ENOSF1: variants seen among roughly 807,000 people sequenced by gnomAD.
ENOSF1 encodes the protein mitochondrial enolase superfamily member 1.
In ENOSF1, 73 loss-of-function variants were observed where a neutral mutation model predicts 68.2. That is an observed-to-expected ratio of 1.07 (90% CI 0.89 to 1.30). ENOSF1 has a LOEUF of 1.30. Ranked by LOEUF, ENOSF1 falls within the 50% of genes most tolerant of loss-of-function variation. The pLI is 0.00. For missense variants in ENOSF1, 589 were observed against 554.5 expected (o/e 1.06, Z -0.62); for synonymous variants, 223 against 210.4 (o/e 1.06, Z -0.52).
In ENOSF1 at chr18:677,741, A is replaced by G; in HGVS notation, c.1048+2T>C. On this transcript the variant is annotated splice_donor_variant, in intron 13 of 15. Coordinates refer to ENST00000647584, the MANE Select transcript of ENOSF1 (RefSeq NM_017512.7). LOFTEE classifies it high-confidence loss of function. The stretch of plus-strand genomic sequence containing the variant: ...GGTCTGCAGCCGCTGCAGCACGCTT[A>G]CTTTCAAACTTTTTGGCCATCAGCA... 1 of 1,612,068 alleles carries G rather than the reference A, an allele frequency of 6.2e-7. No individual in the cohort carries two copies. Among genetic ancestry groups the G allele is most frequent in the Non-Finnish European group, 8.5e-7 (1 of 1,179,426 alleles).
rs541081297 is a variant in ENOSF1, at chr18:710,634, C to T, written c.84+1870G>A. On this transcript the variant is annotated intron_variant, in intron 1 of 15. Transcript: ENST00000647584. ...TCAAGTGATCCCCCTGCCTAGGCCTCCACTTAGGATTAGAGGTGTGAGCCC... is the reference window on the plus strand; with the variant it reads ...TCAAGTGATCCCCCTGCCTAGGCCTTCACTTAGGATTAGAGGTGTGAGCCC... 1.8e-4 allele frequency among the ~76,000 whole-genome samples: 27 copies of T among 152,342 alleles called. No homozygotes were observed. The South Asian group carries it at 5.6e-3, about 32-fold the overall frequency.
At chr18:691,986 G>C (rs561074069) in intron 5 of ENOSF1, 43 of 152,492 alleles carry the variant, frequency 2.8e-4, no homozygotes, top group African/African-American at 9.6e-4. Flanking sequence ...CTGGAGCAGT[G>C]AACTGCAGAG....
At chr18:667,992 A>ATTTTTTTTTTTT (rs60409589), downstream of ENOSF1, among the ~76,000 whole-genome samples, 292 of 105,320 alleles carry the variant, frequency 2.8e-3, 29 homozygotes, top group East Asian at 0.029. Context: ...ATTCACAGGA[A>ATTTTTTTTTTTT]TTTTTTTTTT....
chr18:677,565 A>G (rs2144592475), intron 13 of ENOSF1, 121 bp from the exon 14 acceptor site: 1 of 1,257,608 alleles, frequency 8.0e-7, no homozygotes, highest in East Asian at 2.4e-5. Flanking sequence ...AATATTTAGG[A>G]AGGAAATTCC....
At position 710,704 on chromosome 18, in the gene ENOSF1, C is replaced by G. The variant is rs1444655292; in HGVS notation, c.84+1800G>C. ...AACTTTACTGACGGCCTTCTCTGAG[C>G]CAGGCTCTTTACAGGTATCTCATTT... On this transcript the variant is annotated intron_variant, in intron 1 of 15. Transcript: ENST00000647584. Among the ~76,000 whole-genome samples the G allele has an allele frequency of 3.3e-5, 5 of 152,282 alleles. No homozygotes were observed. In the East Asian group the frequency reaches 9.6e-4, roughly 29 times the overall value.
At chr18:706,424 T>A (rs757899050) in intron 2 of ENOSF1, 46 bp downstream of exon 2, 165 of 1,187,568 alleles carry the variant, frequency 1.4e-4, no homozygotes, top group Non-Finnish European at 1.9e-4. Context: ...TAGAATCTCA[T>A]CTGAAAATTA....
intron 1 of ENOSF1, among the ~76,000 whole-genome samples, chr18:710,940 C>T (rs2079460230): frequency 6.6e-6 from 1 of 152,146 alleles, no homozygotes; most frequent in Non-Finnish European, 1.5e-5. Context: ...AAGTTATTTA[C>T]CAACATCATG....
chr18:692,610 A>T, intron 5 of ENOSF1: 6 of 689,144 alleles, frequency 8.7e-6, no homozygotes, highest in Non-Finnish European at 1.1e-5. Context: ...AAAAAAAAAA[A>T]GAAAGAAAGA....
Position 677,600 on chromosome 18 carries a change from C to T in ENOSF1, c.1048+143G>A, listed in dbSNP as rs1367933444. 15 of 1,306,510 alleles carry T rather than the reference C, an allele frequency of 1.1e-5. No homozygotes were observed. In the East Asian group the frequency reaches 1.2e-4, roughly 10 times the overall value. 80.9% of individuals were successfully genotyped at this position (1,306,510 alleles called of 1,614,324 possible). A position where few individuals can be genotyped will look rare whatever the true frequency, so the allele number is the denominator to read the frequency against. On this transcript the variant is annotated intron_variant, in intron 13 of 15. Coordinates refer to ENST00000647584, the MANE Select transcript of ENOSF1 (RefSeq NM_017512.7). ...CAAGATGAAAATCATCAAAAATTCC[C>T]GGATTAAAGCTAAATGAGAGTTAGA...
chr18:680,689 T>C (rs2075990096), intron 11 of ENOSF1, among the ~76,000 whole-genome samples: 1 of 148,728 alleles, frequency 6.7e-6, no homozygotes, highest in Non-Finnish European at 1.5e-5. Flanking sequence ...TTTTTTTTTT[T>C]TTTTTTTTTG....
chr18:677,902 A>G (rs2075677450), intron 12 of ENOSF1, 30 bp from the exon 13 acceptor site: 8 of 1,604,604 alleles, frequency 5.0e-6, no homozygotes, highest in Non-Finnish European at 6.8e-6. Context: ...TAACACCAAC[A>G]GAAGAGTCAG....
chr18:679,499 G>A (rs1350635456), intron 11 of ENOSF1, among the ~76,000 whole-genome samples: 1 of 151,610 alleles, frequency 6.6e-6, no homozygotes, highest in Non-Finnish European at 1.5e-5. Context: ...GTGAGCCACT[G>A]CACCTGGCCT....
chr18:707,923 G>A (rs2079106663), intron 1 of ENOSF1, among the ~76,000 whole-genome samples: 1 of 151,810 alleles, frequency 6.6e-6, no homozygotes, highest in African/African-American at 2.4e-5. Flanking sequence ...GCAGTGGCAT[G>A]ATCTTGGCTC....
intron 8 of ENOSF1, among the ~76,000 whole-genome samples, chr18:689,438 G>A (rs948848634): frequency 3.3e-5 from 5 of 151,890 alleles, no homozygotes; most frequent in African/African-American, 1.2e-4. Flanking sequence ...GCATTACCAC[G>A]CCCAGATAAT....
At chr18:698,632 T>TTATTAG (rs1197402983) in intron 2 of ENOSF1, among the ~76,000 whole-genome samples, 2 of 152,010 alleles carry the variant, frequency 1.3e-5, no homozygotes, top group Admixed American at 1.3e-4. Context: ...TTAATTATTA[T>TTATTAG]TTTTTAGAGA....
At position 682,640 on chromosome 18, in the gene ENOSF1, G is replaced by A. The variant is rs144663036; in HGVS notation, c.876+606C>T. ...ATCCAGCACTTTGGGAGGCCAAGGC[G>A]GGCAGATGGTCTGAGGTCAGGAGTT... On this transcript the variant is annotated intron_variant, in intron 11 of 15. Transcript: ENST00000647584. Among the ~76,000 whole-genome samples the A allele has an allele frequency of 7.3e-5, 11 of 151,466 alleles. No individual in the cohort carries two copies. In the South Asian group the frequency reaches 1.3e-3, roughly 17 times the overall value.
At chr18:668,255 T>C (rs1050960981), downstream of ENOSF1, among the ~76,000 whole-genome samples, 3 of 152,130 alleles carry the variant, frequency 2.0e-5, no homozygotes, top group Non-Finnish European at 2.9e-5. Context: ...ATGTTACCTT[T>C]TTCGGAACAG....
Position 694,226 on chromosome 18 carries a change from G to A in ENOSF1, c.396+22C>T. On this transcript the variant is annotated intron_variant, in intron 4 of 15. Coordinates refer to ENST00000647584, the MANE Select transcript of ENOSF1 (RefSeq NM_017512.7). ...GTCGTACAGCTCCCAGGAGCCTCCT[G>A]AGCGTTTGTGAGAGGGGTTACCTTT... 3 of 1,611,572 alleles carry A rather than the reference G, an allele frequency of 1.9e-6. No individual in the cohort carries two copies. The South Asian group carries it at 3.3e-5, about 18-fold the overall frequency.
chr18:663,930 T>C, the ENOSF1 span, among the ~76,000 whole-genome samples: 1 of 106,216 alleles, frequency 9.4e-6, no homozygotes, highest in Non-Finnish European at 1.8e-5. Context: ...CCTTGTAGTA[T>C]AGTTTGAAGT....
Sources: gnomAD v4.1 joint callset for allele counts (sites outside exome capture counted in the v4.1 genomes callset) on GRCh38, gnomAD v4.1.1 for gene constraint, MANE v1.5 for transcripts, NCBI Gene and HGNC (gene_info 2026-07-23, HGNC 2026-07-21) for gene names.